The following CNTN5 variants were observed in gnomAD, a reference collection of about 807,000 sequenced individuals.
CNTN5 encodes the protein contactin-5.
CNTN5 carries 77 observed loss-of-function variants against 129.1 expected under a neutral mutation model. The observed-to-expected ratio is 0.60, with a 90% CI of 0.50 to 0.72. CNTN5 has a LOEUF of 0.72. Ranked by LOEUF, CNTN5 falls within the 30% of genes least tolerant of loss-of-function variation. The pLI is 0.00. For missense variants in CNTN5, 1,478 were observed against 1,328.8 expected, an observed-to-expected ratio of 1.11 and a Z score of -1.75; for synonymous variants, 509 against 465.6, an observed-to-expected ratio of 1.09 and a Z score of -1.20.
At chr11:99,899,489 G>A (rs990395894) in intron 6 of CNTN5, among the ~76,000 whole-genome samples, 1 of 151,930 alleles carries the variant, frequency 6.6e-6, no homozygotes, top group South Asian at 2.1e-4. Context: ...TGATCATATA[G>A]TTTTCATTCT....
intron 3 of CNTN5, among the ~76,000 whole-genome samples, chr11:99,721,313 A>G (rs1943163936): frequency 6.6e-6 from 1 of 151,468 alleles, no homozygotes; most frequent in Admixed American, 6.6e-5. Context: ...GAATAAATAG[A>G]CCAGAAATAA....
chr11:99,433,337 T>A (rs940666189), intron 2 of CNTN5, among the ~76,000 whole-genome samples: 3 of 127,876 alleles, frequency 2.3e-5, no homozygotes, highest in Non-Finnish European at 4.9e-5. Context: ...ACTGTAATCA[T>A]AATTTTCCTT....
intron 6 of CNTN5, among the ~76,000 whole-genome samples, chr11:99,903,050 T>A (rs1214368987): frequency 6.6e-6 from 1 of 152,064 alleles, no homozygotes; most frequent in Non-Finnish European, 1.5e-5. Flanking sequence ...TTATAGCTTA[T>A]AAGAGAAAAA....
chr11:99,541,956 CAAAAAAA>C (rs56363127), intron 2 of CNTN5, among the ~76,000 whole-genome samples: 5 of 68,872 alleles, frequency 7.3e-5, no homozygotes, highest in South Asian at 1.3e-3. Flanking sequence ...GATCTTGTCT[CAAAAAAA>C]AAAAAAAAAA....
intron 6 of CNTN5, among the ~76,000 whole-genome samples, chr11:99,857,700 A>G (rs2135751417): frequency 6.6e-6 from 1 of 152,302 alleles, no homozygotes; most frequent in East Asian, 1.9e-4. Flanking sequence ...GAAGCAAACT[A>G]AGATACCCCC....
At chr11:100,146,212 T>C (rs376208720) in intron 13 of CNTN5, among the ~76,000 whole-genome samples, 93 of 152,274 alleles carry the variant, frequency 6.1e-4, no homozygotes, top group Non-Finnish European at 1.1e-3. Flanking sequence ...GTGACTGTAT[T>C]ACAATTTTTC....
intron 2 of CNTN5, among the ~76,000 whole-genome samples, chr11:99,355,875 G>A (rs965424874): frequency 2.0e-5 from 3 of 148,308 alleles, no homozygotes; most frequent in African/African-American, 7.5e-5. Context: ...CGCCCAGGCC[G>A]GAGTGCAGTG....
chr11:99,863,216 A>T (rs1234028344), intron 6 of CNTN5, among the ~76,000 whole-genome samples: 1 of 152,122 alleles, frequency 6.6e-6, no homozygotes, highest in Non-Finnish European at 1.5e-5. Context: ...GGAGCCCAAT[A>T]TAATGAAAGA....
chr11:99,817,912 C>G (rs1317977880), intron 3 of CNTN5, among the ~76,000 whole-genome samples: 1 of 152,116 alleles, frequency 6.6e-6, no homozygotes, highest in Non-Finnish European at 1.5e-5. Context: ...GAGTCAAGGA[C>G]ATGAATCTCT....
intron 6 of CNTN5, among the ~76,000 whole-genome samples, chr11:99,912,247 T>C (rs1187191981): frequency 6.6e-6 from 1 of 151,832 alleles, no homozygotes; most frequent in Admixed American, 6.6e-5. Context: ...TGTGTTCATG[T>C]ATTAATAGCT....
chr11:99,756,365 A>G (rs1272661135), intron 3 of CNTN5, among the ~76,000 whole-genome samples: 2 of 152,120 alleles, frequency 1.3e-5, no homozygotes, highest in Non-Finnish European at 2.9e-5. Context: ...GTATAGTCAC[A>G]TCAATTGTGT....
At chr11:99,224,677 T>TTTTTTTTTTA (rs1860582668) in intron 1 of CNTN5, among the ~76,000 whole-genome samples, 1 of 149,370 alleles carries the variant, frequency 6.7e-6, no homozygotes, top group Non-Finnish European at 1.5e-5. Flanking sequence ...TTTTTTTTTT[T>TTTTTTTTTTA]GAGACAGTCT....
At chr11:99,192,599 A>G (rs575809175) in intron 1 of CNTN5, among the ~76,000 whole-genome samples, 2 of 152,146 alleles carry the variant, frequency 1.3e-5, no homozygotes, top group African/African-American at 2.4e-5. Flanking sequence ...ATTTCAAAAA[A>G]TTAAATATCT....
At position 100,358,604 on chromosome 11, in the gene CNTN5, C is replaced by G. The variant is rs1020608528; in HGVS notation, c.*2384C>G. Reference sequence around the variant, plus strand: ...TCTGCTATGGGATAGTAACCACAGTCTTAAATCACTAAAGAGACTGTATTT... The same window carrying G: ...TCTGCTATGGGATAGTAACCACAGTGTTAAATCACTAAAGAGACTGTATTT... On this transcript the variant is annotated 3_prime_UTR_variant, in exon 25 of 25. Coordinates refer to ENST00000524871, the MANE Select transcript of CNTN5 (RefSeq NM_014361.4). 6.6e-6 allele frequency: 1 copy of G among 151,788 alleles called. No individual in the cohort carries two copies. Among genetic ancestry groups the G allele is most frequent in the Non-Finnish European group, 1.5e-5 (1 of 67,816 alleles). The allele number at this position is 151,788 out of a possible 1,614,324, so 9.4% of individuals were successfully genotyped here.
At chr11:99,256,474 A>C (rs1862383373) in intron 1 of CNTN5, among the ~76,000 whole-genome samples, 1 of 152,120 alleles carries the variant, frequency 6.6e-6, no homozygotes. Context: ...TTGACCACAA[A>C]TAGCAACTGG....
chr11:99,789,242 T>C (rs529279879), intron 3 of CNTN5, among the ~76,000 whole-genome samples: 2 of 152,012 alleles, frequency 1.3e-5, no homozygotes, highest in South Asian at 2.1e-4. Context: ...CCAGACAATG[T>C]ACTCAAAAAT....
At chr11:99,151,538 C>T (rs1470948695) in intron 1 of CNTN5, among the ~76,000 whole-genome samples, 1 of 151,984 alleles carries the variant, frequency 6.6e-6, no homozygotes, top group Non-Finnish European at 1.5e-5. Context: ...TCCGGTAATA[C>T]AGTGTATCTT....
chr11:99,025,737 C>G lies in CNTN5; in HGVS notation c.-210+4467C>G, dbSNP rs139308349. Among the ~76,000 whole-genome samples the G allele has an allele frequency of 7.5e-3, 1,131 of 151,554 alleles. 16 individuals are homozygous for G. Among genetic ancestry groups the G allele is most frequent in the African/African-American group, 0.026 (1,084 of 41,440 alleles). On this transcript the variant is annotated intron_variant, in intron 1 of 24. Transcript: ENST00000524871. Reference sequence around the variant, plus strand: ...ATTTTTACAAATATTTCATTAGTTGCAGGAGTTTGTATTTATCATATAAAT... The same window carrying G: ...ATTTTTACAAATATTTCATTAGTTGGAGGAGTTTGTATTTATCATATAAAT...
At chr11:99,898,331 AAAAAG>A (rs1949264008) in intron 6 of CNTN5, among the ~76,000 whole-genome samples, 1 of 152,100 alleles carries the variant, frequency 6.6e-6, no homozygotes, top group Non-Finnish European at 1.5e-5. Flanking sequence ...CCTAAGGAAA[AAAAAG>A]AGAGAAGATT....
Sources: allele counts gnomAD v4.1 joint callset (sites outside exome capture counted in the v4.1 genomes callset), GRCh38; gene constraint gnomAD v4.1.1; transcripts MANE v1.5; gene names NCBI Gene and HGNC (gene_info 2026-07-23, HGNC 2026-07-21).